CEP295: variants seen among roughly 807,000 people sequenced by gnomAD.
CEP295 encodes the protein centrosomal protein 295.
A neutral mutation model predicts 291.6 loss-of-function variants in CEP295; 190 were observed. That is an observed-to-expected ratio of 0.65 (90% CI 0.58 to 0.73). The LOEUF (loss-of-function observed/expected upper bound fraction) is 0.73, where lower values mean the gene tolerates loss of function less well. Among genes scored for constraint, CEP295 ranks in the 30% least tolerant of loss-of-function variants. The pLI is 0.00. For synonymous variants in CEP295, 993 were observed against 1,038.8 expected (o/e 0.96, Z 0.85); for missense variants, 2,863 against 2,949.4 (o/e 0.97, Z 0.68).
At position 93,728,730 on chromosome 11, in the gene CEP295, T is replaced by A; in HGVS notation, c.7211T>A (p.Ile2404Lys). 3 of 1,550,372 alleles carry A rather than the reference T, an allele frequency of 1.9e-6. No individual in the cohort carries two copies. Among genetic ancestry groups the A allele is most frequent in the Non-Finnish European group, 2.6e-6 (3 of 1,146,542 alleles). Reference sequence around the variant, plus strand: ...ATGGAAGAACCAGAACTTACTTTAATAAGCACCACTGATACCAGTATTGCT... The same window carrying A: ...ATGGAAGAACCAGAACTTACTTTAAAAAGCACCACTGATACCAGTATTGCT... ...GIMEEPELTL[I>K]STTDTSIAEM... The change falls in exon 25 of 30, where the codon ATA (isoleucine) becomes AAA (lysine). Residue 2404 changes from isoleucine (I) to lysine (K), a missense_variant. Coordinates refer to ENST00000325212, the MANE Select transcript of CEP295 (RefSeq NM_033395.2).
intron 22 of CEP295, 51 bp from the exon 23 acceptor site, chr11:93,725,600 A>T: frequency 7.3e-7 from 1 of 1,371,066 alleles, no homozygotes; most frequent in Non-Finnish European, 9.8e-7. Flanking sequence ...TATTGTTTCA[A>T]TTGTTAATAC....
At chr11:93,712,573 A>G (rs1591115461) in intron 18 of CEP295, among the ~76,000 whole-genome samples, 1 of 152,190 alleles carries the variant, frequency 6.6e-6, no homozygotes, top group African/African-American at 2.4e-5. Context: ...TATTTCTGAT[A>G]TAAGTATAGC....
chr11:93,700,206 A>G lies in CEP295; in HGVS notation c.5274+20A>G, dbSNP rs1461829662. ...AGTCAGGTATGTTTTAAACCTGAAT[A>G]ATAATGAAACACTAGAAGTTTAAAC... is the stretch of plus-strand genomic sequence containing the variant. On this transcript the variant is annotated intron_variant, in intron 15 of 29. Coordinates refer to ENST00000325212, the MANE Select transcript of CEP295 (RefSeq NM_033395.2). 19 of 1,507,180 alleles carry G rather than the reference A, an allele frequency of 1.3e-5. No individual in the cohort carries two copies. The highest frequency in any genetic ancestry group is 2.8e-5 in the African/African-American group (2 of 70,854). The allele number at this position is 1,507,180 out of a possible 1,614,324, so 93.4% of individuals were successfully genotyped here. A position where few individuals can be genotyped will look rare whatever the true frequency, so the allele number is the denominator to read the frequency against.
chr11:93,679,078 G>A (rs1372739845), intron 6 of CEP295, among the ~76,000 whole-genome samples: 5 of 152,040 alleles, frequency 3.3e-5, no homozygotes, highest in Admixed American at 3.3e-4. Flanking sequence ...GCTGACCTCA[G>A]GTGATCCACC....
intron 20 of CEP295, chr11:93,722,836 G>A (rs898016752): frequency 2.9e-5 from 12 of 418,748 alleles, no homozygotes; most frequent in Admixed American, 1.2e-4. Flanking sequence ...CGGCTCTCCC[G>A]AGTAGCTGGG....
In CEP295 at chr11:93,725,687, G is replaced by C. The variant is rs1459555357; in HGVS notation, c.6355G>C (p.Gly2119Arg). ...DSSSESHCAT[G>R]LSKSTVYFTA... is the part of the protein sequence containing the mutation. ...TTCATCTGAAAGCCACTGTGCTACT[G>C]GATTATCCAAAAGTACAGTTTATTT... Residue 2119 changes from glycine to arginine, a missense_variant, in exon 23 of 30, where the codon GGA becomes CGA. Physicochemically the swap from Gly to Arg is moderately radical, Grantham distance 125. This residue lies in a region of CEP295 where 2,295 missense variants were observed against 2,335.7 expected (regional missense o/e 0.98). Transcript: ENST00000325212. The C allele has an allele frequency of 1.3e-6, 2 of 1,550,410 alleles. No homozygotes were observed. Among genetic ancestry groups the C allele is most frequent in the Admixed American group, 4.0e-5 (2 of 50,484 alleles).
At chr11:93,696,512 T>G (rs1951851811) in intron 14 of CEP295, 95 bp downstream of exon 14, 2 of 1,092,088 alleles carry the variant, frequency 1.8e-6, no homozygotes, top group Admixed American at 4.9e-5. Flanking sequence ...TGGATTTCCT[T>G]AGAATTATGG....
intron 13 of CEP295, 34 bp from the exon 14 acceptor site, chr11:93,696,286 T>G (rs1343442826): frequency 1.5e-6 from 2 of 1,295,384 alleles, no homozygotes; most frequent in South Asian, 2.6e-5. Context: ...ACTTCTAAAT[T>G]TGCTTTTTAA....
At position 93,698,621 on chromosome 11, in the gene CEP295, C is replaced by A. The variant is rs1302454956; in HGVS notation, c.3709C>A (p.Pro1237Thr). 2 of 1,551,366 alleles carry A rather than the reference C, an allele frequency of 1.3e-6. No homozygotes were observed. Among genetic ancestry groups the A allele is most frequent in the Admixed American group, 3.9e-5 (2 of 50,996 alleles). The change falls in exon 15 of 30, where the codon CCA becomes ACA. Residue 1237 changes from proline to threonine, a missense_variant. Coordinates refer to ENST00000325212, the MANE Select transcript of CEP295 (RefSeq NM_033395.2). ...STIPLSHPKI[P>T]RCQERLLRVS... ...CATTCCCTTAAGCCATCCTAAGATC[C>A]CAAGATGTCAGGAAAGACTTTTGAG...
rs931478161 is a variant in CEP295, at chr11:93,725,796, G to A, written c.6464G>A (p.Gly2155Glu). The A allele has an allele frequency of 1.3e-6, 2 of 1,551,278 alleles. No homozygotes were observed. Among genetic ancestry groups the A allele is most frequent in the Non-Finnish European group, 8.7e-7 (1 of 1,146,902 alleles). The change falls in exon 23 of 30, where the codon GGA becomes GAA. Residue 2155 changes from glycine (G) to glutamate (E), a missense_variant. Around this residue, in one of 3 missense-constraint regions of CEP295, gnomAD observed 2,295 missense variants for 2,335.7 expected, o/e 0.98. Transcript: ENST00000325212. ...CCTGACACTAACTTGGCTCATGTTGGAGCTCACAGTTTTGCTACAGAAAAT... is the reference window on the plus strand; with the variant it reads ...CCTGACACTAACTTGGCTCATGTTGAAGCTCACAGTTTTGCTACAGAAAAT... ...QQPDTNLAHV[G>E]AHSFATENII... is the part of the protein sequence containing the mutation.
Position 93,723,037 on chromosome 11 carries a change from T to C in CEP295, c.5948-4T>C. On this transcript the variant is annotated splice_region_variant and splice_polypyrimidine_tract_variant and intron_variant, in intron 20 of 29. Transcript: ENST00000325212. ...TACATATTTTCATTAAACTCAATTT[T>C]CAGAGTCATTTTCAGAGCACATGGA... 1 of 1,548,418 alleles carries C rather than the reference T, an allele frequency of 6.5e-7. No individual in the cohort carries two copies. Among genetic ancestry groups the C allele is most frequent in the Non-Finnish European group, 8.7e-7 (1 of 1,145,470 alleles).
Position 93,729,455 on chromosome 11 carries a change from G to C in CEP295, c.7324G>C (p.Val2442Leu), listed in dbSNP as rs918976952. 3 of 1,551,746 alleles carry C rather than the reference G, an allele frequency of 1.9e-6. No homozygotes were observed. The highest frequency in any genetic ancestry group is 2.0e-5 in the Admixed American group (1 of 50,992). The change falls in exon 26 of 30, where the codon GTA (valine) becomes CTA (leucine). Residue 2442 changes from valine (V) to leucine (L), a missense_variant. By Grantham distance (32) the Val-to-Leu change is conservative. Transcript: ENST00000325212. Reference sequence around the variant, plus strand: ...TTAGGTGAGTGAGTTTCTGCCTCTTGTATCAGCAACAGAAGCCTCAGATTA... The same window carrying C: ...TTAGGTGAGTGAGTTTCTGCCTCTTCTATCAGCAACAGAAGCCTCAGATTA... Reference protein sequence around the residue: ...FFQVSEFLPLVSATEASDYPA... With the variant: ...FFQVSEFLPLLSATEASDYPA...
In CEP295 at chr11:93,698,396, A is replaced by G; in HGVS notation, c.3484A>G (p.Asn1162Asp). ...ACAGCATAGCCTGGCACAGCAAGAA[A>G]ATTTGACAATACTCCAAGAACAGTC... Reference protein sequence around the residue: ...FPQHSLAQQENLTILQEQSQI... With the variant: ...FPQHSLAQQEDLTILQEQSQI... Residue 1162 changes from asparagine (N) to aspartate (D), a missense_variant, in exon 15 of 30, where the codon AAT (asparagine) becomes GAT (aspartate). Physicochemically the swap from Asn to Asp is conservative, Grantham distance 23. Coordinates refer to ENST00000325212, the MANE Select transcript of CEP295 (RefSeq NM_033395.2). 1.9e-6 allele frequency: 3 copies of G among 1,552,192 alleles called. No homozygotes were observed. Among genetic ancestry groups the G allele is most frequent in the Non-Finnish European group, 1.7e-6 (2 of 1,147,092 alleles).
intron 6 of CEP295, among the ~76,000 whole-genome samples, chr11:93,678,191 A>G (rs1950792682): frequency 6.6e-6 from 1 of 152,214 alleles, no homozygotes; most frequent in African/African-American, 2.4e-5. Context: ...AAGAATTCAT[A>G]AACAACTTTT....
chr11:93,724,150 G>GT (rs1197945494), intron 21 of CEP295, 104 bp from the exon 22 acceptor site: 9 of 1,075,998 alleles, frequency 8.4e-6, no homozygotes, highest in Non-Finnish European at 1.2e-5. Flanking sequence ...GAAAATAAGC[G>GT]TTTATGAATA....
In CEP295 at chr11:93,729,086, G is replaced by T. The variant is rs1937909746; in HGVS notation, c.7302+265G>T. On this transcript the variant is annotated intron_variant, in intron 25 of 29. Transcript: ENST00000325212. The stretch of plus-strand genomic sequence containing the variant: ...CACCTAGTGTTATAGTGCCAAGTTG[G>T]AAGTTTTACCTAAACTTATTCCCAG... The T allele has an allele frequency of 1.2e-5, 6 of 493,954 alleles. No homozygotes were observed. In the South Asian group the frequency reaches 2.0e-4, roughly 17 times the overall value. The allele number at this position is 493,954 out of a possible 1,614,324, so 30.6% of individuals were successfully genotyped here. A position where few individuals can be genotyped will look rare whatever the true frequency, so the allele number is the denominator to read the frequency against.
Position 93,722,123 on chromosome 11 carries a change from G to A in CEP295, c.5947+73G>A, listed in dbSNP as rs1056514288. The A allele has an allele frequency of 5.3e-5, 45 of 852,380 alleles. No individual in the cohort carries two copies. In the African/African-American group the frequency reaches 7.3e-4, roughly 14 times the overall value. The allele number at this position is 852,380 out of a possible 1,614,324, so 52.8% of individuals were successfully genotyped here. A position where few individuals can be genotyped will look rare whatever the true frequency, so the allele number is the denominator to read the frequency against. On this transcript the variant is annotated intron_variant, in intron 20 of 29. Transcript: ENST00000325212. ...TTGAGTTGCAATACAGTGATGGAAG[G>A]AAGCATTGGGTTTTCATGATACACC...
At chr11:93,686,331 AG>A (rs1464384119) in intron 9 of CEP295, among the ~76,000 whole-genome samples, 1 of 150,402 alleles carries the variant, frequency 6.6e-6, no homozygotes, top group East Asian at 2.0e-4. Context: ...AAAAAAAAAA[AG>A]ATATTTTTAC....
chr11:93,720,270 C>T (rs7950893), intron 18 of CEP295, among the ~76,000 whole-genome samples: 57,362 of 151,260 alleles, frequency 0.38, 12,761 homozygotes, highest in Non-Finnish European at 0.49. Flanking sequence ...GTCACGAGTT[C>T]GAGACCAGCC....
Sources: allele counts gnomAD v4.1 joint callset (sites outside exome capture counted in the v4.1 genomes callset), GRCh38; gene constraint gnomAD v4.1.1; regional missense constraint gnomAD v4.1.1; transcripts MANE v1.5; gene names NCBI Gene and HGNC (gene_info 2026-07-23, HGNC 2026-07-21).